UBXN4: variants seen among roughly 807,000 people sequenced by gnomAD.
The protein encoded by UBXN4 is UBX domain protein 4.
A neutral mutation model predicts 66.2 loss-of-function variants in UBXN4; 35 were observed. The ratio of observed to expected loss-of-function variants is 0.53; its 90% confidence interval spans 0.40 to 0.70. The LOEUF is 0.70. Ranked by LOEUF, UBXN4 falls within the 30% of genes least tolerant of loss-of-function variation. The probability of loss-of-function intolerance (pLI) is 0.00; values close to 1 mark genes in which losing one functional copy is unlikely to be tolerated. For synonymous variants in UBXN4, 203 were observed against 204.5 expected, an observed-to-expected ratio of 0.99 and a Z score of 0.06; for missense variants, 533 against 599.8, an observed-to-expected ratio of 0.89 and a Z score of 1.16.
At chr2:135,752,778 T>C (rs949749684) in intron 2 of UBXN4, among the ~76,000 whole-genome samples, 21 of 152,252 alleles carry the variant, frequency 1.4e-4, no homozygotes, top group Non-Finnish European at 1.3e-4. Context: ...TGGAGTGCAG[T>C]GGCGCGATCT....
At chr2:135,752,290 A>C (rs1367482709) in intron 2 of UBXN4, among the ~76,000 whole-genome samples, 1 of 152,004 alleles carries the variant, frequency 6.6e-6, no homozygotes, top group Non-Finnish European at 1.5e-5. Flanking sequence ...CTCATAATCC[A>C]CTTGCCTCGG....
Position 135,748,256 on chromosome 2 carries a change from A to C in UBXN4, c.83-11A>C, listed in dbSNP as rs750439964. ...CCAGCCTGGTATAAGAATTTTTGAAATGTTTTACAGGTGATGATGAACAGT... is the reference window on the plus strand; with the variant it reads ...CCAGCCTGGTATAAGAATTTTTGAACTGTTTTACAGGTGATGATGAACAGT... On this transcript the variant is annotated splice_polypyrimidine_tract_variant and intron_variant, in intron 1 of 12. Coordinates refer to ENST00000272638, the MANE Select transcript of UBXN4 (RefSeq NM_014607.4). 2 of 1,534,832 alleles carry C rather than the reference A, an allele frequency of 1.3e-6. No homozygotes were observed. Among genetic ancestry groups the C allele is most frequent in the South Asian group, 2.7e-5 (2 of 74,942 alleles).
chr2:135,772,678 G>A (rs58968019), intron 9 of UBXN4, 131 bp downstream of exon 9: 69,448 of 1,126,896 alleles, frequency 0.062, 5,321 homozygotes, highest in African/African-American at 0.26. Flanking sequence ...TAATTTGACA[G>A]CTCCCAATGG....
chr2:135,769,202 A>G (rs115690847), intron 6 of UBXN4, among the ~76,000 whole-genome samples: 1,717 of 152,060 alleles, frequency 0.011, 20 homozygotes, highest in South Asian at 0.041. Flanking sequence ...GAGTTTTGCC[A>G]TGTTGCTCAA....
At chr2:135,773,406 CAG>C (rs1240847889) in intron 9 of UBXN4, among the ~76,000 whole-genome samples, 2 of 152,240 alleles carry the variant, frequency 1.3e-5, no homozygotes, top group Admixed American at 1.3e-4. Flanking sequence ...CGATCCCAGA[CAG>C]AAGAGATTAA....
chr2:135,742,661 T>A (rs1168836915), intron 1 of UBXN4: 1 of 152,294 alleles, frequency 6.6e-6, no homozygotes, highest in Non-Finnish European at 1.5e-5. Context: ...AAGAAAGCTG[T>A]GTCATCGATA....
chr2:135,770,662 T>C lies in UBXN4; in HGVS notation c.749T>C (p.Met250Thr), dbSNP rs1442159499. 1 of 1,580,848 alleles carries C rather than the reference T, an allele frequency of 6.3e-7. No individual in the cohort carries two copies. The highest frequency in any genetic ancestry group is 2.3e-5 in the East Asian group (1 of 43,932). The change falls in exon 8 of 13, where the codon ATG becomes ACG. Residue 250 changes from methionine to threonine, a missense_variant. Met to Thr is a moderately conservative substitution (Grantham distance 81). This residue lies in a region of UBXN4 where 529 missense variants were observed against 580.1 expected (regional missense o/e 0.91). Transcript: ENST00000272638. ...RKQEEELTKR[M>T]LEERNREKAE... ...CAAGAAGAAGAATTAACAAAAAGAATGCTGGAGGAAAGAAACAGAGAGAAA... is the reference window on the plus strand; with the variant it reads ...CAAGAAGAAGAATTAACAAAAAGAACGCTGGAGGAAAGAAACAGAGAGAAA...
At chr2:135,762,747 G>C (rs2077323133) in intron 6 of UBXN4, among the ~76,000 whole-genome samples, 1 of 152,072 alleles carries the variant, frequency 6.6e-6, no homozygotes, top group South Asian at 2.1e-4. Context: ...CCTCACAGTG[G>C]TGAGGAAAGT....
chr2:135,742,137 C>T lies in UBXN4; in HGVS notation c.82+126C>T, dbSNP rs1012344586. On this transcript the variant is annotated intron_variant, in intron 1 of 12. Transcript: ENST00000272638. The stretch of plus-strand genomic sequence containing the variant: ...GGCTCCTGTCGGCTCGCACAATTGC[C>T]ACTACTACCCCGCGCCCCAGGGACG... The T allele has an allele frequency of 5.4e-6, 6 of 1,105,646 alleles. No individual in the cohort carries two copies. The Admixed American group carries it at 7.3e-5, about 13-fold the overall frequency. 68.5% of individuals were successfully genotyped at this position (1,105,646 alleles called of 1,614,324 possible).
chr2:135,748,715 ACT>A (rs1377723212), intron 2 of UBXN4, among the ~76,000 whole-genome samples: 2 of 114,648 alleles, frequency 1.7e-5, no homozygotes, highest in Non-Finnish European at 3.9e-5. Context: ...ACAGAGTCAA[ACT>A]CTGTCTCAAA....
At chr2:135,780,541 A>T (rs2077443447) in intron 12 of UBXN4, among the ~76,000 whole-genome samples, 156 bp downstream of exon 12, 1 of 152,154 alleles carries the variant, frequency 6.6e-6, no homozygotes, top group African/African-American at 2.4e-5. Flanking sequence ...TTATTACATC[A>T]TCTCTACTGC....
At chr2:135,744,505 A>G (rs1216723210) in intron 1 of UBXN4, among the ~76,000 whole-genome samples, 1 of 152,218 alleles carries the variant, frequency 6.6e-6, no homozygotes, top group Non-Finnish European at 1.5e-5. Context: ...AAGTAAAGGT[A>G]TCTGTTCACT....
intron 11 of UBXN4, 100 bp from the exon 12 acceptor site, chr2:135,780,083 G>A (rs1447050684): frequency 8.8e-7 from 1 of 1,136,042 alleles, no homozygotes. Context: ...ACTAAAATTG[G>A]TAGGACCTCC....
At chr2:135,766,441 G>A (rs929005900) in intron 6 of UBXN4, among the ~76,000 whole-genome samples, 2 of 152,086 alleles carry the variant, frequency 1.3e-5, no homozygotes, top group African/African-American at 4.8e-5. Context: ...TCCAATAATG[G>A]CCCTTTTAAC....
At chr2:135,742,976 T>C (rs1346659777) in intron 1 of UBXN4, among the ~76,000 whole-genome samples, 1 of 152,238 alleles carries the variant, frequency 6.6e-6, no homozygotes, top group African/African-American at 2.4e-5. Context: ...GTTTTATTAC[T>C]GAAATCTTGT....
chr2:135,774,575 T>C (rs1194786723), intron 9 of UBXN4, among the ~76,000 whole-genome samples: 1 of 152,190 alleles, frequency 6.6e-6, no homozygotes, highest in Non-Finnish European at 1.5e-5. Context: ...CTGGGCATGG[T>C]AGCTCACACC....
intron 9 of UBXN4, among the ~76,000 whole-genome samples, chr2:135,775,448 T>G (rs2077408852): frequency 6.6e-6 from 1 of 152,164 alleles, no homozygotes; most frequent in African/African-American, 2.4e-5. Flanking sequence ...CATACAACAA[T>G]GTTTTTCAGC....
At chr2:135,751,663 T>TATGTATTTTTGGAGATAGCGTGC (rs2077242639) in intron 2 of UBXN4, among the ~76,000 whole-genome samples, 1 of 151,488 alleles carries the variant, frequency 6.6e-6, no homozygotes, top group Non-Finnish European at 1.5e-5. Flanking sequence ...CATTTTAGTG[T>TATGTATTTTTGGAGATAGCGTGC]GTATGTATTT....
chr2:135,768,742 T>C (rs1309815699), intron 6 of UBXN4, among the ~76,000 whole-genome samples: 1 of 151,826 alleles, frequency 6.6e-6, no homozygotes, highest in Non-Finnish European at 1.5e-5. Flanking sequence ...TTTCTATTTT[T>C]AGTAGAGACA....
Sources: gnomAD v4.1 joint callset for allele counts (sites outside exome capture counted in the v4.1 genomes callset) on GRCh38, gnomAD v4.1.1 for gene constraint, gnomAD v4.1.1 regional missense constraint, MANE v1.5 for transcripts, NCBI Gene and HGNC (gene_info 2026-07-23, HGNC 2026-07-21) for gene names.